ATP2B1: variants seen among roughly 807,000 people sequenced by gnomAD.
The protein encoded by ATP2B1 is ATPase plasma membrane Ca2+ transporting 1.
Under a neutral mutation model 124.2 loss-of-function variants are expected in ATP2B1, and 14 were observed. The ratio of observed to expected loss-of-function variants is 0.11; its 90% CI spans 0.07 to 0.18. The LOEUF (loss-of-function observed/expected upper bound fraction) is 0.18, where lower values mean the gene tolerates loss of function less well. Ranked by LOEUF, ATP2B1 falls within the 10% of genes least tolerant of loss-of-function variation. ATP2B1 has a pLI of 1.00. For missense variants in ATP2B1, 763 were observed against 1,466.1 expected, an observed-to-expected ratio of 0.52 and a Z score of 7.83; for synonymous variants, 449 against 492.4, an observed-to-expected ratio of 0.91 and a Z score of 1.17.
intron 1 of ATP2B1, among the ~76,000 whole-genome samples, chr12:89,673,572 T>C (rs891046514): frequency 1.3e-5 from 2 of 152,204 alleles, no homozygotes; most frequent in Non-Finnish European, 1.5e-5. Flanking sequence ...TACATTGCTA[T>C]CAACACTGTG....
intron 1 of ATP2B1, among the ~76,000 whole-genome samples, chr12:89,676,604 A>G (rs1466539341): frequency 6.6e-6 from 1 of 152,050 alleles, no homozygotes; most frequent in Non-Finnish European, 1.5e-5. Flanking sequence ...GAGAAGAAAT[A>G]TTTCTACTAT....
chr12:89,683,516 C>T (rs1889610256), intron 1 of ATP2B1, among the ~76,000 whole-genome samples: 1 of 152,158 alleles, frequency 6.6e-6, no homozygotes, highest in Non-Finnish European at 1.5e-5. Context: ...CTAAACTGAG[C>T]CCAATATCAG....
chr12:89,659,983 TC>T (rs1452755929), intron 1 of ATP2B1, among the ~76,000 whole-genome samples: 1 of 141,248 alleles, frequency 7.1e-6, no homozygotes, highest in African/African-American at 2.6e-5. Flanking sequence ...CAATAAAAAA[TC>T]AATTATTAGA....
chr12:89,592,176 A>G (rs1873703020), intron 20 of ATP2B1, among the ~76,000 whole-genome samples: 1 of 152,034 alleles, frequency 6.6e-6, no homozygotes, highest in Non-Finnish European at 1.5e-5. Context: ...ACATCAGTGC[A>G]CACACTGACA....
At position 89,658,539 on chromosome 12, in the gene ATP2B1, T is replaced by A. The variant is rs186671402; in HGVS notation, c.-221-2432A>T. ...TATCAGTAATAAAACTGTTTTTTTT[T>A]ATTCCTATGTGCCAATCTGTCTTTT... On this transcript the variant is annotated intron_variant, in intron 1 of 20. Transcript: ENST00000428670. Among the ~76,000 whole-genome samples, 6 of 151,938 alleles carry A rather than the reference T, an allele frequency of 3.9e-5. No individual in the cohort carries two copies. In the East Asian group the frequency reaches 5.8e-4, roughly 15 times the overall value.
In ATP2B1 at chr12:89,590,825, T is replaced by C. The variant is rs78076751; in HGVS notation, c.*159A>G. On this transcript the variant is annotated 3_prime_UTR_variant, in exon 21 of 21. Transcript: ENST00000428670. Reference sequence around the variant, plus strand: ...CCCTCAGTCTGGCAGAAAGCTTTGCTTTTTTTTTTTTAAAAAAATAAATCT... The same window carrying C: ...CCCTCAGTCTGGCAGAAAGCTTTGCCTTTTTTTTTTTAAAAAAATAAATCT... 2.4e-4 allele frequency: 88 copies of C among 373,170 alleles called. No individual in the cohort carries two copies. In the Admixed American group the frequency reaches 4.3e-3, roughly 18 times the overall value. The allele number at this position is 373,170 out of a possible 1,614,324, so 23.1% of individuals were successfully genotyped here. A position where few individuals can be genotyped will look rare whatever the true frequency, so the allele number is the denominator to read the frequency against.
chr12:89,597,962 A>AC (rs1474962209), intron 20 of ATP2B1, among the ~76,000 whole-genome samples: 1,573 of 146,088 alleles, frequency 0.011, 19 homozygotes, highest in Non-Finnish European at 0.017. Context: ...GAAAAAAAAA[A>AC]CACCCCAAAC....
intron 1 of ATP2B1, among the ~76,000 whole-genome samples, chr12:89,669,607 T>C (rs922899296): frequency 3.3e-5 from 5 of 152,188 alleles, no homozygotes; most frequent in Non-Finnish European, 7.4e-5. Context: ...TGAATTACCA[T>C]ATGAACTATC....
intron 1 of ATP2B1, among the ~76,000 whole-genome samples, chr12:89,677,965 TATATATACACACACACACACACACAC>T (rs1280030704): frequency 1.1e-4 from 12 of 112,046 alleles, no homozygotes; most frequent in Non-Finnish European, 1.5e-4. Context: ...TATATATATA[TATATATACACACACACACACACACAC>T]ACACACACAC....
intron 6 of ATP2B1, among the ~76,000 whole-genome samples, chr12:89,628,325 C>A (rs1010284787): frequency 6.9e-6 from 1 of 145,180 alleles, no homozygotes; most frequent in Non-Finnish European, 1.5e-5. Flanking sequence ...TTGCTTGAAC[C>A]CGGAAGGCGG....
At chr12:89,685,412 A>G (rs1045516377) in intron 1 of ATP2B1, among the ~76,000 whole-genome samples, 1 of 152,090 alleles carries the variant, frequency 6.6e-6, no homozygotes, top group African/African-American at 2.4e-5. Flanking sequence ...CCCCATCCTC[A>G]GGACAGTTTC....
intron 1 of ATP2B1, among the ~76,000 whole-genome samples, chr12:89,695,859 C>T (rs1413587577): frequency 2.0e-5 from 3 of 152,146 alleles, no homozygotes; most frequent in African/African-American, 7.2e-5. Context: ...GAAAATATTT[C>T]CAATCTTTGT....
chr12:89,677,971 T>TATACACAC (rs1461216851), intron 1 of ATP2B1, among the ~76,000 whole-genome samples: 61 of 52,312 alleles, frequency 1.2e-3, no homozygotes, highest in African/African-American at 2.2e-3. Flanking sequence ...TATATATATA[T>TATACACAC]ACACACACAC....
intron 15 of ATP2B1, among the ~76,000 whole-genome samples, chr12:89,607,205 AT>A (rs1212338153): frequency 6.6e-6 from 1 of 152,184 alleles, no homozygotes; most frequent in Non-Finnish European, 1.5e-5. Context: ...AAAATTCCTT[AT>A]CATGGCATTC....
At chr12:89,674,052 A>G (rs1487647342) in intron 1 of ATP2B1, among the ~76,000 whole-genome samples, 1 of 152,192 alleles carries the variant, frequency 6.6e-6, no homozygotes, top group Non-Finnish European at 1.5e-5. Context: ...TGGGCAAGAA[A>G]AGACCAGGTA....
intron 1 of ATP2B1, among the ~76,000 whole-genome samples, chr12:89,658,492 C>G (rs114178888): frequency 1.8e-3 from 280 of 152,196 alleles, no homozygotes; most frequent in African/African-American, 6.4e-3. Context: ...CACACAAAAA[C>G]CAAGTCATCC....
At chr12:89,639,574 T>C (rs1463030110) in intron 3 of ATP2B1, among the ~76,000 whole-genome samples, 1 of 149,250 alleles carries the variant, frequency 6.7e-6, no homozygotes, top group African/African-American at 2.4e-5. Context: ...TTATTTTATA[T>C]ATATAATAAA....
chr12:89,615,332 A>G (rs368746008), intron 12 of ATP2B1, among the ~76,000 whole-genome samples: 3 of 152,024 alleles, frequency 2.0e-5, no homozygotes, highest in South Asian at 2.1e-4. Context: ...GTCTTATTTA[A>G]TATCATCCCC....
intron 2 of ATP2B1, among the ~76,000 whole-genome samples, chr12:89,649,422 C>T (rs1036878800): frequency 6.6e-6 from 1 of 152,216 alleles, no homozygotes. Flanking sequence ...AATGACTGTC[C>T]TGTTGGGTTT....
Sources: gnomAD v4.1 joint callset for allele counts (sites outside exome capture counted in the v4.1 genomes callset) on GRCh38, gnomAD v4.1.1 for gene constraint, MANE v1.5 for transcripts, NCBI Gene and HGNC (gene_info 2026-07-23, HGNC 2026-07-21) for gene names.